The following CPS1 variants were observed in gnomAD, a reference collection of about 807,000 sequenced individuals.
The protein encoded by CPS1 is carbamoyl-phosphate synthase [ammonia], mitochondrial.
A neutral mutation model predicts 174.6 loss-of-function variants in CPS1; 109 were observed. That is an observed-to-expected ratio of 0.62 (90% CI 0.53 to 0.73). The LOEUF is 0.73. CPS1 is among the 30% of genes least tolerant of loss of function. CPS1 has a pLI of 0.00. For synonymous variants in CPS1, 637 were observed against 632.0 expected, an observed-to-expected ratio of 1.01 and a Z score of -0.12; for missense variants, 1,689 against 1,821.9, an observed-to-expected ratio of 0.93 and a Z score of 1.33.
In CPS1 at chr2:210,556,877, T is replaced by A. The variant is rs201351777; in HGVS notation, c.126+18T>A. The A allele has an allele frequency of 2.1e-4, 338 of 1,612,320 alleles. No homozygotes were observed. Among genetic ancestry groups the A allele is most frequent in the Non-Finnish European group, 2.7e-4 (318 of 1,178,740 alleles). Reference sequence around the variant, plus strand: ...CTGTCAAGGTAATACCCATATTGATTGTTTCTGATAAAATACTATGGGGTA... The same window carrying A: ...CTGTCAAGGTAATACCCATATTGATAGTTTCTGATAAAATACTATGGGGTA... On this transcript the variant is annotated intron_variant, in intron 1 of 37. Coordinates refer to ENST00000233072, the MANE Select transcript of CPS1 (RefSeq NM_001875.5).
intron 1 of CPS1, among the ~76,000 whole-genome samples, chr2:210,507,848 C>T (rs1574477038): frequency 6.6e-6 from 1 of 152,044 alleles, no homozygotes; most frequent in African/African-American, 2.4e-5. Flanking sequence ...TATATATGCA[C>T]CCAATACAGG....
intron 1 of CPS1, among the ~76,000 whole-genome samples, chr2:210,562,510 G>T (rs1279147700): frequency 6.6e-6 from 1 of 152,078 alleles, no homozygotes; most frequent in East Asian, 1.9e-4. Context: ...AAGAATAAAA[G>T]AATAAGATTT....
At position 210,654,155 on chromosome 2, in the gene CPS1, T is replaced by C. The variant is rs138125975; in HGVS notation, c.3558+53T>C. On this transcript the variant is annotated intron_variant, in intron 29 of 37. Transcript: ENST00000233072. ...TTCCTGCCTTCTCATCATTTTTTTCTTTAACAATTTTGAAATATTGACAGG... is the reference window on the plus strand; with the variant it reads ...TTCCTGCCTTCTCATCATTTTTTTCCTTAACAATTTTGAAATATTGACAGG... 3.8e-4 allele frequency: 577 copies of C among 1,516,190 alleles called. 1 individual carries two copies. The African/African-American group carries it at 6.5e-3, about 17-fold the overall frequency. 93.9% of individuals were successfully genotyped at this position (1,516,190 alleles called of 1,614,324 possible). A position where few individuals can be genotyped will look rare whatever the true frequency, so the allele number is the denominator to read the frequency against.
chr2:210,592,082 C>A (rs114942404), intron 10 of CPS1, 113 bp downstream of exon 10: 1 of 1,173,984 alleles, frequency 8.5e-7, no homozygotes, highest in Non-Finnish European at 1.2e-6. Flanking sequence ...TATTTTGATA[C>A]ATGCATATCA....
chr2:210,578,264 A>G (rs1697779634), intron 4 of CPS1, among the ~76,000 whole-genome samples: 1 of 151,930 alleles, frequency 6.6e-6, no homozygotes, highest in South Asian at 2.1e-4. Context: ...GCCTGCCACC[A>G]TGCCCGGCTA....
intron 1 of CPS1, among the ~76,000 whole-genome samples, chr2:210,484,956 T>G (rs1574458483): frequency 6.6e-6 from 1 of 152,030 alleles, no homozygotes; most frequent in East Asian, 1.9e-4. Flanking sequence ...TGGCCAGGCA[T>G]GGTGGCTCAC....
In CPS1 at chr2:210,595,534, G is replaced by C; in HGVS notation, c.1311G>C (p.Gln437His). 3 of 1,611,642 alleles carry C rather than the reference G, an allele frequency of 1.9e-6. No homozygotes were observed. The highest frequency in any genetic ancestry group is 2.5e-6 in the Non-Finnish European group (3 of 1,178,452). The change falls in exon 13 of 38, where the codon CAG becomes CAC. Residue 437 changes from glutamine to histidine, a missense_variant. Coordinates refer to ENST00000233072, the MANE Select transcript of CPS1 (RefSeq NM_001875.5). ...GATCAGGAGGTCTGTCCATTGGTCAGGCTGGAGAATTTGATTACTCAGGAT... is the reference window on the plus strand; with the variant it reads ...GATCAGGAGGTCTGTCCATTGGTCACGCTGGAGAATTTGATTACTCAGGAT... ...ILGSGGLSIG[Q>H]AGEFDYSGSQ...
intron 13 of CPS1, among the ~76,000 whole-genome samples, chr2:210,598,084 G>T (rs1425499045): frequency 2.0e-5 from 3 of 149,804 alleles, no homozygotes; most frequent in African/African-American, 7.4e-5. Context: ...ACAAGGGGGA[G>T]CAGCTTTTTT....
At chr2:210,641,468 A>G (rs1220975942) in intron 24 of CPS1, among the ~76,000 whole-genome samples, 2 of 151,968 alleles carry the variant, frequency 1.3e-5, no homozygotes. Flanking sequence ...AGGGATCTGC[A>G]CTTATGAACT....
intron 21 of CPS1, among the ~76,000 whole-genome samples, chr2:210,628,729 G>A (rs2105884103): frequency 6.6e-6 from 1 of 152,174 alleles, no homozygotes; most frequent in African/African-American, 2.4e-5. Flanking sequence ...GAACTGGGGA[G>A]GTGGAGGTTG....
At chr2:210,622,249 ATATATT>A (rs1190107038) in intron 21 of CPS1, among the ~76,000 whole-genome samples, 1 of 151,662 alleles carries the variant, frequency 6.6e-6, no homozygotes, top group Non-Finnish European at 1.5e-5. Context: ...ATCAAATATA[ATATATT>A]TATATTTGTG....
intron 17 of CPS1, 60 bp from the exon 18 acceptor site, chr2:210,606,671 G>A (rs1303002764): frequency 6.7e-7 from 1 of 1,484,576 alleles, no homozygotes; most frequent in Non-Finnish European, 9.4e-7. Context: ...AGATGGTTAA[G>A]TCGCTGAAGT....
chr2:210,648,059 T>C lies in CPS1; in HGVS notation c.3336+2T>C, dbSNP rs1272460783. 6.2e-7 allele frequency: 1 copy of C among 1,613,542 alleles called. No individual in the cohort carries two copies. Among genetic ancestry groups the C allele is most frequent in the East Asian group, 2.2e-5 (1 of 44,882 alleles). On this transcript the variant is annotated splice_donor_variant, in intron 26 of 37. Coordinates refer to ENST00000233072, the MANE Select transcript of CPS1 (RefSeq NM_001875.5). LOFTEE classifies it high-confidence loss of function. ...CCTTGGAAAGCTGTTAATACTTTGG[T>C]AAGGAGAGAAACAAGTATCTGTTTC... is the stretch of plus-strand genomic sequence containing the variant.
chr2:210,619,624 T>C (rs932103978), intron 21 of CPS1: 5 of 152,252 alleles, frequency 3.3e-5, no homozygotes, highest in African/African-American at 9.6e-5. Context: ...CTTATTTTAA[T>C]ATCAGACCTA....
At chr2:210,657,321 T>G (rs1700745504) in intron 30 of CPS1, 1 of 152,132 alleles carries the variant, frequency 6.6e-6, no homozygotes, top group Admixed American at 6.6e-5. Flanking sequence ...TTTTTTTTTT[T>G]TTTTTTGGAG....
intron 1 of CPS1, among the ~76,000 whole-genome samples, chr2:210,547,228 A>G (rs557719294): frequency 1.3e-5 from 2 of 152,274 alleles, no homozygotes; most frequent in East Asian, 3.9e-4. Context: ...TTAATATGAT[A>G]AACTTTTATT....
chr2:210,508,688 T>C (rs2105971719), intron 1 of CPS1, among the ~76,000 whole-genome samples: 1 of 152,182 alleles, frequency 6.6e-6, no homozygotes, highest in African/African-American at 2.4e-5. Context: ...TAAAAAATGA[T>C]AAAGGGGATA....
At chr2:210,651,362 A>G (rs1465497027) in intron 28 of CPS1, among the ~76,000 whole-genome samples, 2 of 152,198 alleles carry the variant, frequency 1.3e-5, no homozygotes, top group Non-Finnish European at 2.9e-5. Flanking sequence ...AAAGAGTGAG[A>G]AGAGGCAAAG....
At chr2:210,614,143 T>A (rs539472854) in intron 20 of CPS1, among the ~76,000 whole-genome samples, 2 of 151,972 alleles carry the variant, frequency 1.3e-5, no homozygotes, top group Non-Finnish European at 2.9e-5. Flanking sequence ...TTTTGGAACA[T>A]TAAAGTAACC....
Sources: gnomAD v4.1 joint callset for allele counts (sites outside exome capture counted in the v4.1 genomes callset) on GRCh38, gnomAD v4.1.1 for gene constraint, MANE v1.5 for transcripts, NCBI Gene and HGNC (gene_info 2026-07-23, HGNC 2026-07-21) for gene names.